MAGI2: variants seen among roughly 807,000 people sequenced by gnomAD.
MAGI2 encodes membrane-associated guanylate kinase, WW and PDZ domain-containing protein 2.
A neutral mutation model predicts 133.3 loss-of-function variants in MAGI2; 35 were observed. The ratio of observed to expected loss-of-function variants is 0.26; its 90% CI spans 0.20 to 0.35. The LOEUF (loss-of-function observed/expected upper bound fraction) is 0.35, where lower values mean the gene tolerates loss of function less well. Among genes scored for constraint, MAGI2 ranks in the 10% least tolerant of loss-of-function variants. MAGI2 has a pLI of 1.00. For missense variants in MAGI2, 1,636 were observed against 1,863.4 expected (o/e 0.88, Z 2.25); for synonymous variants, 729 against 710.6 (o/e 1.03, Z -0.41).
At chr7:78,752,096 AGC>A (rs1823507621) in intron 2 of MAGI2, among the ~76,000 whole-genome samples, 1 of 152,210 alleles carries the variant, frequency 6.6e-6, no homozygotes, top group Non-Finnish European at 1.5e-5. Context: ...TCTTCAAGGA[AGC>A]AGTGTTTTGC....
chr7:79,269,973 T>C (rs1249147345), intron 1 of MAGI2, among the ~76,000 whole-genome samples: 1 of 152,052 alleles, frequency 6.6e-6, no homozygotes, highest in Admixed American at 6.6e-5. Context: ...TTTTGTGAGT[T>C]CCCCAGTTGC....
chr7:78,813,842 G>A (rs1409599120), intron 2 of MAGI2, among the ~76,000 whole-genome samples: 3 of 149,420 alleles, frequency 2.0e-5, no homozygotes, highest in African/African-American at 7.4e-5. Context: ...AGGAACTGAA[G>A]GAATAGAAGG....
intron 9 of MAGI2, among the ~76,000 whole-genome samples, chr7:78,269,906 A>AT (rs1267187231): frequency 1.3e-5 from 2 of 152,184 alleles, no homozygotes; most frequent in Non-Finnish European, 1.5e-5. Flanking sequence ...TAGGTCTAAC[A>AT]TTTAAGTCTT....
chr7:78,597,301 A>G (rs1011056087), intron 3 of MAGI2, among the ~76,000 whole-genome samples: 6 of 151,732 alleles, frequency 4.0e-5, no homozygotes, highest in Admixed American at 3.3e-4. Context: ...ATTATAACGT[A>G]TACTTCTCAG....
In MAGI2 at chr7:79,183,425, C is replaced by A. The variant is rs150860683; in HGVS notation, c.302-176219G>T. On this transcript the variant is annotated intron_variant, in intron 1 of 21. Coordinates refer to ENST00000354212, the MANE Select transcript of MAGI2 (RefSeq NM_012301.4). ...ATACCATTTTGTCAAAATAGCTCTG[C>A]AAATATATTGCCCACCTTTTTAGAA... Among the ~76,000 whole-genome samples the A allele has an allele frequency of 2.8e-3, 418 of 151,866 alleles. 2 individuals are homozygous for A. Among genetic ancestry groups the A allele is most frequent in the Non-Finnish European group, 5.2e-3 (356 of 67,888 alleles).
At chr7:78,215,151 G>C (rs1788142740) in intron 10 of MAGI2, among the ~76,000 whole-genome samples, 1 of 152,184 alleles carries the variant, frequency 6.6e-6, no homozygotes, top group Non-Finnish European at 1.5e-5. Flanking sequence ...GCGAAGAATG[G>C]GGAAAGTGAT....
chr7:78,788,335 C>T (rs1424964848), intron 2 of MAGI2, among the ~76,000 whole-genome samples: 3 of 152,104 alleles, frequency 2.0e-5, no homozygotes, highest in Admixed American at 6.5e-5. Flanking sequence ...TTCCAGATTC[C>T]CAGCTTTCCA....
chr7:78,463,277 C>T (rs547723142), intron 6 of MAGI2, among the ~76,000 whole-genome samples: 17 of 152,154 alleles, frequency 1.1e-4, no homozygotes, highest in African/African-American at 3.1e-4. Context: ...TGAGCACTGC[C>T]GTGACAGAAA....
At chr7:78,422,784 A>T (rs1798919321) in intron 6 of MAGI2, among the ~76,000 whole-genome samples, 1 of 152,116 alleles carries the variant, frequency 6.6e-6, no homozygotes, top group Non-Finnish European at 1.5e-5. Context: ...TTTGATTTAA[A>T]TTTATTCCCA....
intron 1 of MAGI2, among the ~76,000 whole-genome samples, chr7:79,344,876 G>A (rs17152299): frequency 0.022 from 3,300 of 152,082 alleles, 135 homozygotes; most frequent in African/African-American, 0.075. Context: ...CAGTTAAGAG[G>A]TGATCCCCAA....
In MAGI2 at chr7:78,580,958, T is replaced by C. The variant is rs1435446369; in HGVS notation, c.538+46162A>G. Among the ~76,000 whole-genome samples, 9 of 152,222 alleles carry C rather than the reference T, an allele frequency of 5.9e-5. No individual in the cohort carries two copies. The East Asian group carries it at 1.5e-3, about 26-fold the overall frequency. ...CAGATGACGACAGATCTAATTTCAA[T>C]AGAATTTTGAATTTAATGCCATATA... On this transcript the variant is annotated intron_variant, in intron 3 of 21. Coordinates refer to ENST00000354212, the MANE Select transcript of MAGI2 (RefSeq NM_012301.4).
At chr7:78,021,967 G>A (rs1808440593) in intron 21 of MAGI2, among the ~76,000 whole-genome samples, 1 of 152,206 alleles carries the variant, frequency 6.6e-6, no homozygotes, top group Non-Finnish European at 1.5e-5. Flanking sequence ...TTGGGCTCCT[G>A]TGGAAGCCGC....
chr7:79,322,320 G>A (rs2129561722), intron 1 of MAGI2, among the ~76,000 whole-genome samples: 1 of 152,192 alleles, frequency 6.6e-6, no homozygotes, highest in African/African-American at 2.4e-5. Context: ...TCAATGTCCT[G>A]AAGTGCCACT....
chr7:78,983,273 A>G (rs192034028), intron 2 of MAGI2, among the ~76,000 whole-genome samples: 1 of 152,110 alleles, frequency 6.6e-6, no homozygotes, highest in East Asian at 1.9e-4. Context: ...CAGGAATGAA[A>G]CATGGAAGTT....
intron 1 of MAGI2, among the ~76,000 whole-genome samples, chr7:79,141,751 T>A (rs1822151196): frequency 7.3e-6 from 1 of 136,090 alleles, no homozygotes; most frequent in Non-Finnish European, 1.5e-5. Context: ...TTGTTCGTGT[T>A]TTTTTTTTCG....
At chr7:78,568,138 C>T (rs1272945895) in intron 3 of MAGI2, 1 of 152,226 alleles carries the variant, frequency 6.6e-6, no homozygotes, top group Non-Finnish European at 1.5e-5. Flanking sequence ...GGCTTCTTCT[C>T]TTCTCTCCAA....
intron 1 of MAGI2, among the ~76,000 whole-genome samples, chr7:79,120,206 A>T (rs1275655236): frequency 6.6e-6 from 1 of 152,040 alleles, no homozygotes; most frequent in Non-Finnish European, 1.5e-5. Context: ...TTTTATTATG[A>T]TCTTTTGGTA....
chr7:78,830,666 G>GA (rs955911191), intron 2 of MAGI2, among the ~76,000 whole-genome samples: 44 of 151,832 alleles, frequency 2.9e-4, no homozygotes, highest in Non-Finnish European at 1.3e-4. Flanking sequence ...ACATTACAAT[G>GA]AAAAAAAATG....
intron 1 of MAGI2, among the ~76,000 whole-genome samples, chr7:79,082,357 C>T (rs1816117441): frequency 6.6e-6 from 1 of 151,980 alleles, no homozygotes; most frequent in East Asian, 1.9e-4. Context: ...TTTAGCTCTT[C>T]CATTTAAGAT....
Sources: gnomAD v4.1 joint callset for allele counts (sites outside exome capture counted in the v4.1 genomes callset) on GRCh38, gnomAD v4.1.1 for gene constraint, MANE v1.5 for transcripts, NCBI Gene and HGNC (gene_info 2026-07-23, HGNC 2026-07-21) for gene names.